BIRC6: variants seen among roughly 807,000 people sequenced by gnomAD.
BIRC6 encodes baculoviral IAP repeat containing 6, also known as dual E2 ubiquitin-conjugating enzyme/E3 ubiquitin-protein ligase BIRC6.
A neutral mutation model predicts 503.3 loss-of-function variants in BIRC6; 98 were observed. The observed-to-expected ratio is 0.19, with a 90% confidence interval of 0.17 to 0.23. BIRC6 has a LOEUF of 0.23. Ranked by LOEUF, BIRC6 falls within the 10% of genes least tolerant of loss-of-function variation. The pLI is 1.00. For missense variants in BIRC6, 5,360 were observed against 5,806.0 expected (o/e 0.92, Z 2.50); for synonymous variants, 2,240 against 2,078.7 (o/e 1.08, Z -2.11).
intron 66 of BIRC6, among the ~76,000 whole-genome samples, chr2:32,584,051 A>G (rs2060868481): frequency 6.6e-6 from 1 of 152,008 alleles, no homozygotes; most frequent in South Asian, 2.1e-4. Flanking sequence ...CACTTAGACC[A>G]TTCTTCTAAT....
At chr2:32,441,603 G>T in intron 17 of BIRC6, 141 bp downstream of exon 17, 1 of 731,384 alleles carries the variant, frequency 1.4e-6, no homozygotes, top group Non-Finnish European at 2.2e-6. Flanking sequence ...TAATTTTGAT[G>T]AGAATATGAG....
chr2:32,464,731 G>T lies in BIRC6; in HGVS notation c.5164G>T (p.Ala1722Ser). Residue 1722 changes from alanine (A) to serine (S), a missense_variant, in exon 25 of 74, where the codon GCC (alanine) becomes TCC (serine). Transcript: ENST00000421745. The stretch of plus-strand genomic sequence containing the variant: ...TGAAGCAGTTTCCGTTGTGATTAAT[G>T]CCGAACTTGCACAGCTTTTCCCAGG... ...PNEAVSVVINAELAQLFPGSV... is the reference protein window; with the variant it reads ...PNEAVSVVINSELAQLFPGSV... The T allele has an allele frequency of 1.2e-6, 2 of 1,613,948 alleles. No individual in the cohort carries two copies. The highest frequency in any genetic ancestry group is 2.2e-5 in the South Asian group (2 of 91,080).
Position 32,503,284 on chromosome 2 carries a change from A to G in BIRC6, c.9499+48A>G, listed in dbSNP as rs200166597. On this transcript the variant is annotated intron_variant, in intron 49 of 73. Transcript: ENST00000421745. ...TTACTTATGTGAAATTATCTAGTTT[A>G]TTAGCTGGTATGAAACAAAATTAGT... is the stretch of plus-strand genomic sequence containing the variant. 3.3e-4 allele frequency: 497 copies of G among 1,485,366 alleles called. 1 individual carries two copies. In the African/African-American group the frequency reaches 6.3e-3, roughly 19 times the overall value. The allele number at this position is 1,485,366 out of a possible 1,614,324, so 92.0% of individuals were successfully genotyped here.
chr2:32,412,358 G>A lies in BIRC6; in HGVS notation c.1478-2411G>A, dbSNP rs1355993563. ...CTAAAAATACAAAAATTAGCCAGGC[G>A]TGGTGGCAGGTGCCTGTAATCCCAG... On this transcript the variant is annotated intron_variant, in intron 9 of 73. Transcript: ENST00000421745. 3.9e-5 allele frequency among the ~76,000 whole-genome samples: 6 copies of A among 151,994 alleles called. No homozygotes were observed. The South Asian group carries it at 6.2e-4, about 16-fold the overall frequency.
chr2:32,499,162 T>G (rs1310360260), intron 45 of BIRC6, among the ~76,000 whole-genome samples: 1 of 152,242 alleles, frequency 6.6e-6, no homozygotes, highest in African/African-American at 2.4e-5. Context: ...TGTATCATTA[T>G]CAGTAGGAAA....
chr2:32,403,474 T>C (rs989214769), intron 8 of BIRC6, among the ~76,000 whole-genome samples: 1 of 152,234 alleles, frequency 6.6e-6, no homozygotes, highest in African/African-American at 2.4e-5. Flanking sequence ...TAGAAGACTA[T>C]ATTTGTCTTC....
chr2:32,480,150 A>C (rs73922730), intron 37 of BIRC6, among the ~76,000 whole-genome samples: 87 of 152,052 alleles, frequency 5.7e-4, no homozygotes, highest in African/African-American at 1.8e-3. Flanking sequence ...ATGATTTTCT[A>C]TTTTTTACTT....
At chr2:32,413,839 A>T (rs2042149886) in intron 9 of BIRC6, among the ~76,000 whole-genome samples, 1 of 152,178 alleles carries the variant, frequency 6.6e-6, no homozygotes. Flanking sequence ...ATGCACATCT[A>T]CATTTTCCTG....
intron 40 of BIRC6, among the ~76,000 whole-genome samples, chr2:32,486,912 A>G (rs2051056116): frequency 6.6e-6 from 1 of 152,162 alleles, no homozygotes; most frequent in Non-Finnish European, 1.5e-5. Flanking sequence ...ATGATTAGAG[A>G]TAACTCGGTA....
intron 1 of BIRC6, among the ~76,000 whole-genome samples, chr2:32,362,450 G>GGACT (rs1291049524): frequency 6.6e-6 from 1 of 151,516 alleles, no homozygotes; most frequent in Admixed American, 6.6e-5. Flanking sequence ...CAACTAGCTG[G>GGACT]GACTACAGGT....
At chr2:32,502,984 T>C in intron 48 of BIRC6, 58 bp from the exon 49 acceptor site, 1 of 1,518,050 alleles carries the variant, frequency 6.6e-7, no homozygotes, top group Non-Finnish European at 8.9e-7. Context: ...AAGTTTACTT[T>C]TGATGTTGAA....
At chr2:32,577,147 G>T (rs1478052221) in intron 66 of BIRC6, among the ~76,000 whole-genome samples, 1 of 152,042 alleles carries the variant, frequency 6.6e-6, no homozygotes, top group Non-Finnish European at 1.5e-5. Context: ...CTTGAGAAGT[G>T]TCTACTAAAA....
At chr2:32,373,453 A>T (rs1423272115) in intron 1 of BIRC6, among the ~76,000 whole-genome samples, 1 of 152,228 alleles carries the variant, frequency 6.6e-6, no homozygotes, top group African/African-American at 2.4e-5. Flanking sequence ...AATGATTTTC[A>T]GCAAGGAGGC....
At chr2:32,370,050 G>A (rs1046488043) in intron 1 of BIRC6, among the ~76,000 whole-genome samples, 2 of 135,288 alleles carry the variant, frequency 1.5e-5, no homozygotes, top group Non-Finnish European at 3.1e-5. Context: ...GTATATATAT[G>A]TGTGTATGTA....
At chr2:32,614,832 T>G (rs1488565706) in intron 73 of BIRC6, among the ~76,000 whole-genome samples, 2 of 152,050 alleles carry the variant, frequency 1.3e-5, no homozygotes, top group African/African-American at 2.4e-5. Flanking sequence ...AATTCTGTCT[T>G]AAAAAATAAA....
chr2:32,424,887 T>G (rs1321591309), intron 10 of BIRC6, among the ~76,000 whole-genome samples: 1 of 152,196 alleles, frequency 6.6e-6, no homozygotes, highest in East Asian at 1.9e-4. Context: ...ACAAGCAGTT[T>G]GGAAGGGTCC....
At chr2:32,427,107 A>G (rs1395523274) in intron 10 of BIRC6, among the ~76,000 whole-genome samples, 1 of 151,694 alleles carries the variant, frequency 6.6e-6, no homozygotes, top group East Asian at 1.9e-4. Flanking sequence ...CTTTGTGTTT[A>G]TCCTATTTGA....
Position 32,416,940 on chromosome 2 carries a change from A to G in BIRC6, c.2872+777A>G, listed in dbSNP as rs959703383. 1.1e-4 allele frequency among the ~76,000 whole-genome samples: 16 copies of G among 152,020 alleles called. No individual in the cohort carries two copies. The South Asian group carries it at 1.5e-3, about 14-fold the overall frequency. On this transcript the variant is annotated intron_variant, in intron 10 of 73. Coordinates refer to ENST00000421745, the MANE Select transcript of BIRC6 (RefSeq NM_016252.4). ...CAACATCCGCTCCCAGGTTCAAGCA[A>G]TTCTCCTGCCTCAGCCTCCCAAGTA...
At position 32,439,572 on chromosome 2, in the gene BIRC6, A is replaced by T; in HGVS notation, c.3696A>T (p.Thr1232=). 6.2e-7 allele frequency: 1 copy of T among 1,613,954 alleles called. No individual in the cohort carries two copies. Among genetic ancestry groups the T allele is most frequent in the Non-Finnish European group, 8.5e-7 (1 of 1,179,848 alleles). The change falls in exon 16 of 74, where the codon ACA becomes ACT. Residue 1232 remains threonine (T), a synonymous_variant. Transcript: ENST00000421745. ...TCAAGGCAGTGAATGAAAGAGGAAC[A>T]GAAGAGATTTGTAATGGTGGTATGC... ...IHVKAVNERG[T]EEICNGGMRP...
Sources: gnomAD v4.1 joint callset for allele counts (sites outside exome capture counted in the v4.1 genomes callset) on GRCh38, gnomAD v4.1.1 for gene constraint, MANE v1.5 for transcripts, NCBI Gene and HGNC (gene_info 2026-07-23, HGNC 2026-07-21) for gene names.